Variants in CHADL observed in about 807,000 individuals in gnomAD.
CHADL encodes chondroadherin like.
Under a neutral mutation model 52.1 loss-of-function variants are expected in CHADL, and 48 were observed. The observed-to-expected ratio is 0.92, with a 90% CI of 0.73 to 1.17. The LOEUF is 1.17. Ranked by LOEUF, CHADL falls within the 50% of genes most tolerant of loss-of-function variation. CHADL has a pLI of 0.00. For synonymous variants in CHADL, 498 were observed against 511.2 expected (o/e 0.97, Z 0.35); for missense variants, 977 against 1,035.1 (o/e 0.94, Z 0.77).
Position 41,238,547 on chromosome 22 carries a change from G to A in CHADL, c.525C>T (p.Ala175=), listed in dbSNP as rs1398158566. The change falls in exon 3 of 6, where the codon GCC becomes GCT. Residue 175 remains alanine, a synonymous_variant. Transcript: ENST00000216241. This position sits in a 1 kb window ranked among gnomAD's most constrained non-coding sequence, Gnocchi z 4.9. ...CGCGCAGTAGCCCCTGGAAGGCCATGGCGGGCAGGTAAACCAGGGCGTTGT... is the reference window on the plus strand; with the variant it reads ...CGCGCAGTAGCCCCTGGAAGGCCATAGCGGGCAGGTAAACCAGGGCGTTGT... ...LAHNALVYLP[A]MAFQGLLRVR... is the part of the protein sequence containing the mutation. 2.6e-6 allele frequency: 4 copies of A among 1,546,012 alleles called. No individual in the cohort carries two copies. The highest frequency in any genetic ancestry group is 3.4e-4 in the Middle Eastern group (2 of 5,950).
At position 41,238,212 on chromosome 22, in the gene CHADL, C is replaced by A; in HGVS notation, c.860G>T (p.Gly287Val). 2.0e-6 allele frequency: 3 copies of A among 1,524,490 alleles called. No homozygotes were observed. Among genetic ancestry groups the A allele is most frequent in the Non-Finnish European group, 2.6e-6 (3 of 1,143,094 alleles). The allele number at this position is 1,524,490 out of a possible 1,614,324, so 94.4% of individuals were successfully genotyped here. A position where few individuals can be genotyped will look rare whatever the true frequency, so the allele number is the denominator to read the frequency against. ...CGGGGGCAGGGTGTCTAGCTGGTTC[C>A]CGCGGAGGTCGAGGGTGTGCAGGCG... ...CPRLHTLDLR[G>V]NQLDTLPPLQ... is the part of the protein sequence containing the mutation. The change falls in exon 3 of 6, where the codon GGG becomes GTG. Residue 287 changes from glycine (G) to valine (V), a missense_variant. Coordinates refer to ENST00000216241, the MANE Select transcript of CHADL (RefSeq NM_138481.2). This position sits in a 1 kb window ranked among gnomAD's most constrained non-coding sequence, Gnocchi z 4.9.
intron 1 of CHADL, among the ~76,000 whole-genome samples, chr22:41,239,849 G>C (rs564877116): frequency 8.5e-5 from 13 of 152,316 alleles, no homozygotes; most frequent in African/African-American, 2.9e-4. Flanking sequence ...GCTCAGAAAA[G>C]TGACCTGGTT....
intron 1 of CHADL, among the ~76,000 whole-genome samples, chr22:41,240,278 A>G (rs1322368442): frequency 6.6e-6 from 1 of 152,128 alleles, no homozygotes; most frequent in Non-Finnish European, 1.5e-5. Flanking sequence ...TCTGGTAGAG[A>G]CAGGGTCTCG....
rs549700479 is a variant in CHADL, at chr22:41,234,353, G to A, written c.2262+792C>T. 8.3e-5 allele frequency among the ~76,000 whole-genome samples: 12 copies of A among 144,756 alleles called. No homozygotes were observed. In the South Asian group the frequency reaches 1.3e-3, roughly 16 times the overall value. The allele number at this position is 144,756 out of a possible 152,430, so 95.0% of individuals were successfully genotyped here. On this transcript the variant is annotated intron_variant, in intron 5 of 5. Transcript: ENST00000216241. ...GTGGGGGCAGGGAGGAGGGAAGAAC[G>A]GGAGGATGGACATTATTATTATTAT...
rs1406268842 is a variant in CHADL, at chr22:41,240,710, G to A, written c.8+164C>T. 23 of 726,306 alleles carry A rather than the reference G, an allele frequency of 3.2e-5. 1 individual carries two copies. The highest frequency in any genetic ancestry group is 3.8e-5 in the Non-Finnish European group (17 of 444,052). 45.0% of individuals were successfully genotyped at this position (726,306 alleles called of 1,614,324 possible). A position where few individuals can be genotyped will look rare whatever the true frequency, so the allele number is the denominator to read the frequency against. The stretch of plus-strand genomic sequence containing the variant: ...TTCCTGGCAGTGGCCACATTGCCAC[G>A]TGTCTCAGAGCCCACCTTGGGAGAC... On this transcript the variant is annotated intron_variant, in intron 1 of 5. Transcript: ENST00000216241.
At position 41,238,078 on chromosome 22, in the gene CHADL, A is replaced by T. The variant is rs755194551; in HGVS notation, c.994T>A (p.Ser332Thr). The T allele has an allele frequency of 5.6e-5, 71 of 1,275,214 alleles. No homozygotes were observed. The African/African-American group carries it at 1.0e-3, about 19-fold the overall frequency. The allele number at this position is 1,275,214 out of a possible 1,614,324, so 79.0% of individuals were successfully genotyped here. A position where few individuals can be genotyped will look rare whatever the true frequency, so the allele number is the denominator to read the frequency against. The change falls in exon 3 of 6, where the codon TCG becomes ACG. Residue 332 changes from serine (S) to threonine (T), a missense_variant. Transcript: ENST00000216241. The surrounding 1 kb of genome is among the most constrained non-coding windows in gnomAD (Gnocchi z 4.9). ...CGCGGCCCCTGGCACGCGCCGTCCGAGCGCACGCGCGCCCGCGCCAGCCAC... is the reference window on the plus strand; with the variant it reads ...CGCGGCCCCTGGCACGCGCCGTCCGTGCGCACGCGCGCCCGCGCCAGCCAC... ...LEWLARARVR[S>T]DGACQGPRRL...
rs2032781885 is a variant in CHADL, at chr22:41,238,076, C to A, written c.996G>T (p.Ser332=). The A allele has an allele frequency of 2.3e-6, 3 of 1,283,254 alleles. No homozygotes were observed. In the East Asian group the frequency reaches 9.6e-5, roughly 41 times the overall value. 79.5% of individuals were successfully genotyped at this position (1,283,254 alleles called of 1,614,324 possible). A position where few individuals can be genotyped will look rare whatever the true frequency, so the allele number is the denominator to read the frequency against. The change falls in exon 3 of 6, where the codon TCG becomes TCT. Residue 332 remains serine, a synonymous_variant. Transcript: ENST00000216241. The surrounding 1 kb of genome is among the most constrained non-coding windows in gnomAD (Gnocchi z 4.9). ...LEWLARARVR[S]DGACQGPRRL... Reference sequence around the variant, plus strand: ...GCCGCGGCCCCTGGCACGCGCCGTCCGAGCGCACGCGCGCCCGCGCCAGCC... The same window carrying A: ...GCCGCGGCCCCTGGCACGCGCCGTCAGAGCGCACGCGCGCCCGCGCCAGCC...
intron 4 of CHADL, 116 bp downstream of exon 4, chr22:41,236,368 C>T (rs1428576023): frequency 5.5e-6 from 5 of 913,810 alleles, no homozygotes; most frequent in East Asian, 5.3e-5. Context: ...CAGGACCCGC[C>T]CCTCCCCACA....
Position 41,232,807 on chromosome 22 carries a change from C to T in CHADL, c.2262+2338G>A, listed in dbSNP as rs190692718. Among the ~76,000 whole-genome samples the T allele has an allele frequency of 2.6e-5, 4 of 152,280 alleles. No individual in the cohort carries two copies. In the East Asian group the frequency reaches 7.7e-4, roughly 29 times the overall value. Reference sequence around the variant, plus strand: ...GCTTCCACTCCTGAACCCAGCTCCGCTTCTACATGAGCCTCCCGGGGCTGA... The same window carrying T: ...GCTTCCACTCCTGAACCCAGCTCCGTTTCTACATGAGCCTCCCGGGGCTGA... On this transcript the variant is annotated intron_variant, in intron 5 of 5. Transcript: ENST00000216241.
chr22:41,232,150 A>G (rs139489), intron 5 of CHADL, among the ~76,000 whole-genome samples: 65,023 of 151,528 alleles, frequency 0.43, 14,577 homozygotes, highest in South Asian at 0.55. Context: ...GGCTAACACG[A>G]TGAAACCCTG....
rs1453221657 is a variant in CHADL at position 41,229,709 on chromosome 22, G to A, written c.2284C>T (p.Leu762Phe). 6.2e-7 allele frequency: 1 copy of A among 1,612,502 alleles called. No homozygotes were observed. The highest frequency in any genetic ancestry group is 8.5e-7 in the Non-Finnish European group (1 of 1,179,972). Residue 762 changes from leucine to phenylalanine, a missense_variant, in exon 6 of 6, where the codon CTC becomes TTC. Coordinates refer to ENST00000216241, the MANE Select transcript of CHADL (RefSeq NM_138481.2). ...AGGACCAGCCTGCTCCGTGCTCAGA[G>A]ACGACCCTTCTCCTTCCCCACCTGG... ...ADKVGKEKGRL is the reference protein window; with the variant it reads ...ADKVGKEKGRF
chr22:41,236,472 G>A lies in CHADL; in HGVS notation c.2063+12C>T, dbSNP rs1278062403. On this transcript the variant is annotated intron_variant, in intron 4 of 5. Coordinates refer to ENST00000216241, the MANE Select transcript of CHADL (RefSeq NM_138481.2). ...GTGGTCTTTGGCTGGAGGTCTAGGT[G>A]GGGGTGCCCACCTGTGCAGCGGAAG... 6.5e-7 allele frequency: 1 copy of A among 1,549,104 alleles called. No individual in the cohort carries two copies. Among genetic ancestry groups the A allele is most frequent in the South Asian group, 1.2e-5 (1 of 83,976 alleles).
Position 41,238,993 on chromosome 22 carries a change from T to C in CHADL, c.187-108A>G. The C allele has an allele frequency of 1.4e-6, 2 of 1,382,726 alleles. No individual in the cohort carries two copies. Among genetic ancestry groups the C allele is most frequent in the Non-Finnish European group, 1.9e-6 (2 of 1,046,148 alleles). The allele number at this position is 1,382,726 out of a possible 1,614,324, so 85.7% of individuals were successfully genotyped here. ...TTTCTCCTGTCACCTTTCCCATATT[T>C]CTCTTCATCCGACCCCTGACACCTC... On this transcript the variant is annotated intron_variant, in intron 2 of 5. Transcript: ENST00000216241. The surrounding 1 kb of genome is among the most constrained non-coding windows in gnomAD (Gnocchi z 4.9).
chr22:41,238,362 A>G lies in CHADL; in HGVS notation c.710T>C (p.Leu237Pro). The G allele has an allele frequency of 6.7e-7, 1 of 1,499,718 alleles. No individual in the cohort carries two copies. Among genetic ancestry groups the G allele is most frequent in the Non-Finnish European group, 8.8e-7 (1 of 1,130,792 alleles). 92.9% of individuals were successfully genotyped at this position (1,499,718 alleles called of 1,614,324 possible). A position where few individuals can be genotyped will look rare whatever the true frequency, so the allele number is the denominator to read the frequency against. ...CGCGTAGGTGAGCGGGTTGTGGCCC[A>G]GCTCCAGACGGGCCAGGCCGCGGGC... ...SQARGLARLE[L>P]GHNPLTYAGE... is the part of the protein sequence containing the mutation. Residue 237 changes from leucine (L) to proline (P), a missense_variant, in exon 3 of 6, where the codon CTG becomes CCG. Physicochemically the swap from Leu to Pro is moderately conservative, Grantham distance 98. Coordinates refer to ENST00000216241, the MANE Select transcript of CHADL (RefSeq NM_138481.2). The surrounding 1 kb of genome is among the most constrained non-coding windows in gnomAD (Gnocchi z 4.9).
Position 41,238,068 on chromosome 22 carries a change from G to C in CHADL, c.1004C>G (p.Ala335Gly). 1.6e-6 allele frequency: 2 copies of C among 1,279,564 alleles called. No individual in the cohort carries two copies. Among genetic ancestry groups the C allele is most frequent in the Non-Finnish European group, 2.0e-6 (2 of 1,021,548 alleles). 79.3% of individuals were successfully genotyped at this position (1,279,564 alleles called of 1,614,324 possible). Reference sequence around the variant, plus strand: ...CCGCAGGCGCCGCGGCCCCTGGCACGCGCCGTCCGAGCGCACGCGCGCCCG... The same window carrying C: ...CCGCAGGCGCCGCGGCCCCTGGCACCCGCCGTCCGAGCGCACGCGCGCCCG... ...LARARVRSDG[A>G]CQGPRRLRGE... The change falls in exon 3 of 6, where the codon GCG (alanine) becomes GGG (glycine). Residue 335 changes from alanine to glycine, a missense_variant. By Grantham distance (60) the Ala-to-Gly change is moderately conservative (BLOSUM62 0). Transcript: ENST00000216241. This position sits in a 1 kb window ranked among gnomAD's most constrained non-coding sequence, Gnocchi z 4.9.
intron 2 of CHADL, 39 bp downstream of exon 2, chr22:41,239,404 C>T (rs569052829): frequency 1.3e-6 from 2 of 1,536,930 alleles, no homozygotes; most frequent in Admixed American, 2.1e-5. Flanking sequence ...CCCACCTTGC[C>T]CCACTGCCAC....
chr22:41,239,640 TCTGTTGTG>T lies in CHADL; in HGVS notation c.9-28_9-21del. ...CGGGGCCTGGGACGGGGAGGGAGAG[TCTGTTGTG>T]CACAAGGGCCGAGGCCACATGCTGT... On this transcript the variant is annotated intron_variant, in intron 1 of 5. Coordinates refer to ENST00000216241, the MANE Select transcript of CHADL (RefSeq NM_138481.2). 1.3e-6 allele frequency: 2 copies of T among 1,510,660 alleles called. 1 individual carries two copies. The allele number at this position is 1,510,660 out of a possible 1,614,324, so 93.6% of individuals were successfully genotyped here.
Position 41,238,409 on chromosome 22 carries a change from C to G in CHADL, c.663G>C (p.Leu221=). ...GGGCCTGGGACAAGACAGGCCCGGG[C>G]AGAGCCTGGAGCTCGTTGTGGTGTA... ...LSLHHNELQA[L]PGPVLSQARG... Residue 221 remains leucine (L), a synonymous_variant, in exon 3 of 6, where the codon CTG becomes CTC. Coordinates refer to ENST00000216241, the MANE Select transcript of CHADL (RefSeq NM_138481.2). The surrounding 1 kb of genome is among the most constrained non-coding windows in gnomAD (Gnocchi z 4.9). 1 of 1,516,332 alleles carries G rather than the reference C, an allele frequency of 6.6e-7. No homozygotes were observed. 93.9% of individuals were successfully genotyped at this position (1,516,332 alleles called of 1,614,324 possible).
Position 41,238,154 on chromosome 22 carries a change from C to G in CHADL, c.918G>C (p.Arg306=). Residue 306 remains arginine (R), a synonymous_variant, in exon 3 of 6, where the codon CGG becomes CGC. Coordinates refer to ENST00000216241, the MANE Select transcript of CHADL (RefSeq NM_138481.2). The surrounding 1 kb of genome is among the most constrained non-coding windows in gnomAD (Gnocchi z 4.9). ...LQGPGQLRRL[R]LQGNPLWCGC... ...CGCACCACAGCGGATTCCCCTGCAG[C>G]CGCAGCCGGCGCAGCTGGCCCGGGC... 1 of 1,454,232 alleles carries G rather than the reference C, an allele frequency of 6.9e-7. No individual in the cohort carries two copies. The allele number at this position is 1,454,232 out of a possible 1,614,324, so 90.1% of individuals were successfully genotyped here.
Sources: allele counts gnomAD v4.1 joint callset (sites outside exome capture counted in the v4.1 genomes callset), GRCh38; gene constraint gnomAD v4.1.1; non-coding constraint Gnocchi (gnomAD v3.1); transcripts MANE v1.5; gene names NCBI Gene and HGNC (gene_info 2026-07-23, HGNC 2026-07-21).